The following GALNT13 variants were observed in gnomAD, a reference collection of about 807,000 sequenced individuals.
The protein encoded by GALNT13 is UDP-GalNAc:polypeptide N-acetylgalactosaminyltransferase 13.
GALNT13 carries 28 observed loss-of-function variants against 64.2 expected under a neutral mutation model. That is an observed-to-expected ratio of 0.44 (90% confidence interval 0.32 to 0.60). The LOEUF is 0.60. Among genes scored for constraint, GALNT13 ranks in the 20% least tolerant of loss-of-function variants. The pLI is 0.05. For synonymous variants in GALNT13, 214 were observed against 224.6 expected, an observed-to-expected ratio of 0.95 and a Z score of 0.42; for missense variants, 577 against 669.8, an observed-to-expected ratio of 0.86 and a Z score of 1.53.
the GALNT13 span, among the ~76,000 whole-genome samples, chr2:153,863,800 A>T: frequency 6.6e-6 from 1 of 152,192 alleles, no homozygotes; most frequent in Non-Finnish European, 1.5e-5. Flanking sequence ...CCCGTGAAGC[A>T]ATGATACAGT....
rs181923386 is a variant in GALNT13 at position 153,960,953 on chromosome 2, G to A, written c.142+16314G>A. On this transcript the variant is annotated intron_variant, in intron 3 of 12. Transcript: ENST00000392825. The stretch of plus-strand genomic sequence containing the variant: ...TTTTACGTTACAAATTAATTGGTAG[G>A]AGAAAGAAAGATTTTTGTCCTGTAA... 4.1e-3 allele frequency among the ~76,000 whole-genome samples: 619 copies of A among 152,208 alleles called. 4 individuals are homozygous for A. Among genetic ancestry groups the A allele is most frequent in the African/African-American group, 0.015 (605 of 41,538 alleles).
At chr2:153,609,216 A>G in the GALNT13 span, among the ~76,000 whole-genome samples, 5 of 152,310 alleles carry the variant, frequency 3.3e-5, no homozygotes, top group Admixed American at 6.5e-5. Flanking sequence ...GGCATGGGCC[A>G]CCATGGCTGG....
intron 9 of GALNT13, among the ~76,000 whole-genome samples, chr2:154,352,315 G>T (rs1696459194): frequency 6.6e-6 from 1 of 152,046 alleles, no homozygotes; most frequent in African/African-American, 2.4e-5. Context: ...TTCTGTTCTG[G>T]GACAGTTTAT....
the GALNT13 span, among the ~76,000 whole-genome samples, chr2:153,840,931 C>T: frequency 6.6e-6 from 1 of 151,890 alleles, no homozygotes. Flanking sequence ...AGGTATTTCT[C>T]AGGCCTTTTT....
At chr2:153,441,433 T>G in the GALNT13 span, among the ~76,000 whole-genome samples, 4 of 152,232 alleles carry the variant, frequency 2.6e-5, no homozygotes, top group Non-Finnish European at 5.9e-5. Context: ...CTATACACAC[T>G]GTTATTTGGC....
intron 2 of GALNT13, among the ~76,000 whole-genome samples, chr2:153,920,734 C>G (rs772504549): frequency 6.6e-6 from 1 of 152,118 alleles, no homozygotes; most frequent in South Asian, 2.1e-4. Flanking sequence ...AGCTATGCAT[C>G]GAACAAAGGT....
the GALNT13 span, among the ~76,000 whole-genome samples, chr2:153,261,926 G>A: frequency 6.6e-6 from 1 of 152,100 alleles, no homozygotes; most frequent in Admixed American, 6.5e-5. Context: ...TTTGGTGAAT[G>A]ACACAAACCC....
chr2:153,624,217 CTTA>C, the GALNT13 span, among the ~76,000 whole-genome samples: 1 of 152,042 alleles, frequency 6.6e-6, no homozygotes, highest in Non-Finnish European at 1.5e-5. Context: ...TACTTGAAGG[CTTA>C]TTATGATCCC....
intron 7 of GALNT13, among the ~76,000 whole-genome samples, chr2:154,249,923 G>T (rs1288814697): frequency 6.6e-6 from 1 of 151,954 alleles, no homozygotes; most frequent in East Asian, 1.9e-4. Context: ...AACATCATTA[G>T]TATCTCTGAT....
chr2:154,028,263 G>A (rs1316686758), intron 3 of GALNT13, among the ~76,000 whole-genome samples: 1 of 151,950 alleles, frequency 6.6e-6, no homozygotes, highest in Non-Finnish European at 1.5e-5. Flanking sequence ...TTATTATTTT[G>A]CCTTTGCTAT....
At chr2:154,365,075 T>A (rs1697294091) in intron 9 of GALNT13, among the ~76,000 whole-genome samples, 1 of 152,200 alleles carries the variant, frequency 6.6e-6, no homozygotes, top group African/African-American at 2.4e-5. Context: ...ATCGTTCAAT[T>A]TTCACATGAA....
At chr2:153,827,959 C>T in the GALNT13 span, among the ~76,000 whole-genome samples, 12 of 152,346 alleles carry the variant, frequency 7.9e-5, no homozygotes, top group East Asian at 3.9e-4. Context: ...ACAGGCCCCA[C>T]GCAAGTCTGA....
the GALNT13 span, among the ~76,000 whole-genome samples, chr2:153,439,752 A>G: frequency 6.6e-6 from 1 of 152,152 alleles, no homozygotes; most frequent in Non-Finnish European, 1.5e-5. Flanking sequence ...GAATTCCCTG[A>G]CTTGTTGCGC....
the GALNT13 span, among the ~76,000 whole-genome samples, chr2:153,198,015 G>C: frequency 2.6e-5 from 4 of 152,212 alleles, no homozygotes; most frequent in African/African-American, 9.6e-5. Context: ...GTAAGGTTCT[G>C]TGTGGGCTGA....
At chr2:153,496,203 T>C in the GALNT13 span, among the ~76,000 whole-genome samples, 1 of 152,224 alleles carries the variant, frequency 6.6e-6, no homozygotes, top group African/African-American at 2.4e-5. Flanking sequence ...CTTCATAGCA[T>C]TGTTCCATTT....
chr2:153,626,517 C>A, the GALNT13 span, among the ~76,000 whole-genome samples: 2 of 152,134 alleles, frequency 1.3e-5, no homozygotes, highest in African/African-American at 4.8e-5. Context: ...CATTTCTTCT[C>A]TGAATAGGAA....
At chr2:153,071,264 T>TA in the GALNT13 span, among the ~76,000 whole-genome samples, 1 of 152,194 alleles carries the variant, frequency 6.6e-6, no homozygotes, top group Non-Finnish European at 1.5e-5. Flanking sequence ...ATAAAACAGG[T>TA]AGCCTTCTCT....
the GALNT13 span, among the ~76,000 whole-genome samples, chr2:153,529,233 A>G: frequency 6.6e-6 from 1 of 152,058 alleles, no homozygotes; most frequent in Non-Finnish European, 1.5e-5. Flanking sequence ...AAGAGACATT[A>G]CAACTGATAC....
At chr2:154,170,819 A>G (rs555017216) in intron 4 of GALNT13, among the ~76,000 whole-genome samples, 1 of 152,342 alleles carries the variant, frequency 6.6e-6, no homozygotes, top group South Asian at 2.1e-4. Flanking sequence ...TCCCTACAAT[A>G]GAATTCCAAC....
Sources: gnomAD v4.1 joint callset for allele counts (sites outside exome capture counted in the v4.1 genomes callset) on GRCh38, gnomAD v4.1.1 for gene constraint, MANE v1.5 for transcripts, NCBI Gene and HGNC (gene_info 2026-07-23, HGNC 2026-07-21) for gene names.